The following EIF3H variants were observed in gnomAD, a reference collection of about 807,000 sequenced individuals.
EIF3H encodes the protein eIF-3-gamma.
A neutral mutation model predicts 44.2 loss-of-function variants in EIF3H; 26 were observed. That is an observed-to-expected ratio of 0.59 (90% CI 0.43 to 0.82). The LOEUF is 0.82. EIF3H is among the 40% of genes least tolerant of loss of function. The pLI, the probability that EIF3H is intolerant of heterozygous loss-of-function variation, is 0.00. For synonymous variants in EIF3H, 166 were observed against 151.9 expected (o/e 1.09, Z -0.68); for missense variants, 359 against 432.8 (o/e 0.83, Z 1.51).
chr8:116,746,009 A>G (rs1294993369), intron 1 of EIF3H, among the ~76,000 whole-genome samples: 1 of 151,792 alleles, frequency 6.6e-6, no homozygotes, highest in African/African-American at 2.4e-5. Context: ...ACGTACCAGT[A>G]CTCTTCCCAA....
chr8:116,752,824 G>C (rs947640141), intron 1 of EIF3H, among the ~76,000 whole-genome samples: 1 of 139,980 alleles, frequency 7.1e-6, no homozygotes, highest in African/African-American at 2.8e-5. Flanking sequence ...AAGGAAGGAA[G>C]GAAGGAAAGA....
At chr8:116,711,880 T>A (rs1428488986) in intron 2 of EIF3H, among the ~76,000 whole-genome samples, 2 of 152,210 alleles carry the variant, frequency 1.3e-5, no homozygotes, top group Non-Finnish European at 2.9e-5. Context: ...TTAAAACCAC[T>A]AAGTTCTATA....
rs1254041006 is a variant in EIF3H at position 116,657,234 on chromosome 8, T to G, written c.538A>C (p.Lys180Gln). The G allele has an allele frequency of 1.2e-6, 2 of 1,613,632 alleles. No homozygotes were observed. Among genetic ancestry groups the G allele is most frequent in the East Asian group, 4.5e-5 (2 of 44,870 alleles). The change falls in exon 4 of 8, where the codon AAG (lysine) becomes CAG (glutamine). Residue 180 changes from lysine (K) to glutamine (Q), a missense_variant. Transcript: ENST00000521861. ...TPKLMEVCKE[K>Q]DFSPEALKKA... ...ACTTACGCTTCAGGGGAAAAATCCT[T>G]TTCTTTACAAACTTCCATCAGTTTA...
intron 1 of EIF3H, among the ~76,000 whole-genome samples, chr8:116,736,462 C>T (rs1290148763): frequency 6.6e-6 from 1 of 152,126 alleles, no homozygotes; most frequent in Non-Finnish European, 1.5e-5. Flanking sequence ...GAGATTGAGA[C>T]CATCCTGACT....
intron 2 of EIF3H, among the ~76,000 whole-genome samples, chr8:116,722,661 C>T (rs778499287): frequency 3.2e-4 from 48 of 152,074 alleles, no homozygotes; most frequent in African/African-American, 1.0e-3. Context: ...TTTTCTCTAA[C>T]CCAAGTGAAG....
Position 116,658,957 on chromosome 8 carries a change from G to A in EIF3H, c.313C>T (p.Arg105Trp). 2 of 1,612,018 alleles carry A rather than the reference G, an allele frequency of 1.2e-6. No individual in the cohort carries two copies. The highest frequency in any genetic ancestry group is 1.7e-6 in the Non-Finnish European group (2 of 1,179,080). The change falls in exon 3 of 8, where the codon CGG becomes TGG. Residue 105 changes from arginine to tryptophan, a missense_variant. Physicochemically the swap from Arg to Trp is moderately radical, Grantham distance 101. This residue lies in a region of EIF3H where 91 missense variants were observed against 164.6 expected (regional missense o/e 0.55). Coordinates refer to ENST00000521861, the MANE Select transcript of EIF3H (RefSeq NM_003756.3). The part of the protein sequence containing the change: ...DEVQYQMEMM[R>W]SLRHVNIDHL... ...TCAATGTTTACATGGCGAAGGCTCC[G>A]CATCATTTCCATCTGATATTGGACT...
intron 2 of EIF3H, among the ~76,000 whole-genome samples, chr8:116,710,856 C>A (rs1814562112): frequency 6.6e-6 from 1 of 152,154 alleles, no homozygotes; most frequent in African/African-American, 2.4e-5. Context: ...TCCTGTGATT[C>A]TCTTTGTAAA....
chr8:116,714,830 G>C (rs1240686911), intron 2 of EIF3H, among the ~76,000 whole-genome samples: 1 of 151,988 alleles, frequency 6.6e-6, no homozygotes, highest in Non-Finnish European at 1.5e-5. Flanking sequence ...TTCACAAAAT[G>C]TCCCCATCTG....
chr8:116,652,685 T>G (rs1037590038), intron 5 of EIF3H, among the ~76,000 whole-genome samples: 1 of 152,154 alleles, frequency 6.6e-6, no homozygotes, highest in Non-Finnish European at 1.5e-5. Context: ...TGGATGGATG[T>G]TCACTGTATT....
At position 116,686,568 on chromosome 8, in the gene EIF3H, A is replaced by G. The variant is rs79418738; in HGVS notation, c.290-27588T>C. On this transcript the variant is annotated intron_variant, in intron 2 of 7. Transcript: ENST00000521861. Reference sequence around the variant, plus strand: ...TTTCTAGGATCTATGGTAAAAGCTGACACAGCCAGCTAAATTAAGACACAT... The same window carrying G: ...TTTCTAGGATCTATGGTAAAAGCTGGCACAGCCAGCTAAATTAAGACACAT... Among the ~76,000 whole-genome samples, 641 of 152,174 alleles carry G rather than the reference A, an allele frequency of 4.2e-3. 15 individuals are homozygous for G. In the East Asian group the frequency reaches 0.064, roughly 15 times the overall value.
chr8:116,759,662 C>T (rs1490885136), upstream of EIF3H, among the ~76,000 whole-genome samples: 2 of 152,076 alleles, frequency 1.3e-5, no homozygotes, highest in African/African-American at 4.8e-5. Context: ...TCACCTGGCT[C>T]GTTCTATATT....
chr8:116,645,085 C>A lies in EIF3H; in HGVS notation c.980G>T (p.Cys327Phe). 3.1e-6 allele frequency: 5 copies of A among 1,613,936 alleles called. No individual in the cohort carries two copies. The highest frequency in any genetic ancestry group is 4.2e-6 in the Non-Finnish European group (5 of 1,179,912). The part of the protein sequence containing the change: ...LLIAGQINTY[C>F]QNIKEFTAQN... ...GGCAGTGAACTCCTTGATGTTCTGG[C>A]AGTAAGTGTTTATCTGGCCTGTGCA... Residue 327 changes from cysteine (C) to phenylalanine (F), a missense_variant, in exon 8 of 8, where the codon TGC (cysteine) becomes TTC (phenylalanine). Around this residue, in one of 5 missense-constraint regions of EIF3H, gnomAD observed 94 missense variants for 96.0 expected, o/e 0.98. Transcript: ENST00000521861.
intron 2 of EIF3H, among the ~76,000 whole-genome samples, chr8:116,682,844 G>A (rs777230613): frequency 2.6e-5 from 4 of 152,096 alleles, no homozygotes; most frequent in Non-Finnish European, 5.9e-5. Context: ...GGTTTGCTAC[G>A]GTTGTGACCC....
intron 2 of EIF3H, among the ~76,000 whole-genome samples, chr8:116,693,813 G>C (rs1172326365): frequency 6.6e-6 from 1 of 152,066 alleles, no homozygotes; most frequent in Non-Finnish European, 1.5e-5. Flanking sequence ...AAAGAGCTGG[G>C]ACTACAGGAG....
chr8:116,743,799 A>T (rs62510190), intron 1 of EIF3H, among the ~76,000 whole-genome samples: 11,170 of 84,582 alleles, frequency 0.13, 753 homozygotes, highest in Middle Eastern at 0.19. Flanking sequence ...TATATATATA[A>T]ACACACACAC....
At chr8:116,720,093 C>T (rs1468271859) in intron 2 of EIF3H, among the ~76,000 whole-genome samples, 1 of 119,500 alleles carries the variant, frequency 8.4e-6, no homozygotes, top group Non-Finnish European at 1.9e-5. Context: ...AAAAGACCTT[C>T]AACTGTGCAG....
chr8:116,766,263 G>A (rs947298262), upstream of EIF3H: 5 of 228,188 alleles, frequency 2.2e-5, no homozygotes, highest in Admixed American at 1.7e-4. Context: ...CCTCTAAAAC[G>A]TAGGTAACAC....
At chr8:116,761,790 G>A (rs554836678) in intron 1 of EIF3H, among the ~76,000 whole-genome samples, 13 of 152,148 alleles carry the variant, frequency 8.5e-5, no homozygotes, top group Non-Finnish European at 1.6e-4. Flanking sequence ...TTTGTCATTT[G>A]ACCTGAAAGA....
At position 116,705,494 on chromosome 8, in the gene EIF3H, C is replaced by G. The variant is rs371243397; in HGVS notation, c.289+20522G>C. ...TGCCATGTGGGTAACATGTTACACC[C>G]CCCCCCACCACCAACACCCCAGGAG... On this transcript the variant is annotated intron_variant, in intron 2 of 7. Coordinates refer to ENST00000521861, the MANE Select transcript of EIF3H (RefSeq NM_003756.3). Among the ~76,000 whole-genome samples the G allele has an allele frequency of 1.5e-3, 191 of 126,148 alleles. 1 individual carries two copies. The highest frequency in any genetic ancestry group is 6.5e-3 in the African/African-American group (169 of 26,182). The allele number at this position is 126,148 out of a possible 152,430, so 82.8% of individuals were successfully genotyped here.
Sources: gnomAD v4.1 joint callset for allele counts (sites outside exome capture counted in the v4.1 genomes callset) on GRCh38, gnomAD v4.1.1 for gene constraint, gnomAD v4.1.1 regional missense constraint, MANE v1.5 for transcripts, NCBI Gene and HGNC (gene_info 2026-07-23, HGNC 2026-07-21) for gene names.